The following PTPRD variants were observed in gnomAD, a reference collection of about 807,000 sequenced individuals.
PTPRD encodes the protein receptor-type tyrosine-protein phosphatase delta.
A neutral mutation model predicts 214.5 loss-of-function variants in PTPRD; 34 were observed. The ratio of observed to expected loss-of-function variants is 0.16; its 90% CI spans 0.12 to 0.21. The LOEUF (loss-of-function observed/expected upper bound fraction) is 0.21. Ranked by LOEUF, PTPRD falls within the 10% of genes least tolerant of loss-of-function variation. The pLI, the probability that PTPRD is intolerant of heterozygous loss-of-function variation, is 1.00. For missense variants in PTPRD, 2,545 were observed against 2,398.7 expected, an observed-to-expected ratio of 1.06 and a Z score of -1.27; for synonymous variants, 1,128 against 845.7, an observed-to-expected ratio of 1.33 and a Z score of -5.79.
chr9:8,427,692 TA>T (rs1351279128), intron 35 of PTPRD, among the ~76,000 whole-genome samples: 8 of 151,844 alleles, frequency 5.3e-5, no homozygotes, highest in East Asian at 1.9e-4. Flanking sequence ...TTATTATTAT[TA>T]TTTTTTTTTA....
intron 3 of PTPRD, among the ~76,000 whole-genome samples, chr9:10,037,866 T>C (rs2097216255): frequency 6.6e-6 from 1 of 152,172 alleles, no homozygotes; most frequent in African/African-American, 2.4e-5. Flanking sequence ...AATGAAGCTC[T>C]TATAGGCTTT....
At chr9:8,429,779 T>G (rs575305600) in intron 35 of PTPRD, among the ~76,000 whole-genome samples, 1 of 152,320 alleles carries the variant, frequency 6.6e-6, no homozygotes, top group South Asian at 2.1e-4. Flanking sequence ...GTGTTGGGAC[T>G]GGGCTTTGTG....
rs150521311 is a variant in PTPRD, at chr9:10,469,827, G to C, written c.-599-128810C>G. Among the ~76,000 whole-genome samples the C allele has an allele frequency of 4.0e-3, 610 of 151,982 alleles. 6 individuals are homozygous for C. The highest frequency in any genetic ancestry group is 0.014 in the African/African-American group (580 of 41,466). ...CATAATGGAATATTATTCAGCCATA[G>C]AAACTAAAATCCTGACATTTGTAGC... On this transcript the variant is annotated intron_variant, in intron 2 of 45. Coordinates refer to ENST00000381196, the MANE Select transcript of PTPRD (RefSeq NM_002839.4).
At position 8,449,783 on chromosome 9, in the gene PTPRD, G is replaced by T. The variant is rs373752314; in HGVS notation, c.3930C>A (p.Ile1310=). The change falls in exon 34 of 46, where the codon ATC becomes ATA. Residue 1310 remains isoleucine (I), a synonymous_variant. Coordinates refer to ENST00000381196, the MANE Select transcript of PTPRD (RefSeq NM_002839.4). ...RKSSIPNNKE[I]PSHHPTDPVE... ...CAGGGTCTGTTGGGTGGTGTGAAGG[G>T]ATCTCCTTATTGTTCGGTATGCTGC... 2 of 1,614,064 alleles carry T rather than the reference G, an allele frequency of 1.2e-6. No homozygotes were observed.
At chr9:9,843,110 T>C (rs565773073) in intron 5 of PTPRD, among the ~76,000 whole-genome samples, 1 of 152,210 alleles carries the variant, frequency 6.6e-6, no homozygotes, top group South Asian at 2.1e-4. Context: ...GGCTATAATG[T>C]CAGAGTTAAG....
chr9:10,467,331 T>G (rs141943681), intron 2 of PTPRD, among the ~76,000 whole-genome samples: 1 of 152,354 alleles, frequency 6.6e-6, no homozygotes, highest in Non-Finnish European at 1.5e-5. Context: ...AATATCTGCA[T>G]AATTCCTGGA....
chr9:8,739,881 G>A (rs768349873), intron 11 of PTPRD, among the ~76,000 whole-genome samples: 9 of 152,064 alleles, frequency 5.9e-5, no homozygotes, highest in Non-Finnish European at 1.0e-4. Context: ...GGGAGTTTCC[G>A]GGCACAAGCT....
rs553513455 is a variant in PTPRD at position 9,001,370 on chromosome 9, T to C, written c.-104+17327A>G. Among the ~76,000 whole-genome samples the C allele has an allele frequency of 1.8e-4, 28 of 152,110 alleles. No homozygotes were observed. In the South Asian group the frequency reaches 2.7e-3, roughly 15 times the overall value. ...ATCAGGGAACCAAGACTCTGACAGA[T>C]TGAGTTACCTGTACAAGTTTACATA... On this transcript the variant is annotated intron_variant, in intron 11 of 45. Coordinates refer to ENST00000381196, the MANE Select transcript of PTPRD (RefSeq NM_002839.4).
In PTPRD at chr9:9,371,355, C is replaced by T. The variant is rs190006167; in HGVS notation, c.-203+26094G>A. ...TTTAGCGTTGGGAGGTTGTATGTGT[C>T]GAGGAATTTATCCATTTCTTCTAGA... On this transcript the variant is annotated intron_variant, in intron 9 of 45. Transcript: ENST00000381196. Among the ~76,000 whole-genome samples the T allele has an allele frequency of 2.3e-4, 35 of 152,152 alleles. No individual in the cohort carries two copies. The East Asian group carries it at 2.5e-3, about 11-fold the overall frequency.
At chr9:10,522,648 G>C (rs1046808279) in intron 2 of PTPRD, among the ~76,000 whole-genome samples, 2 of 151,982 alleles carry the variant, frequency 1.3e-5, no homozygotes, top group Non-Finnish European at 2.9e-5. Flanking sequence ...ACTGGGAAGG[G>C]TAGACTCAAC....
intron 9 of PTPRD, among the ~76,000 whole-genome samples, chr9:9,275,619 C>T (rs978248944): frequency 2.8e-4 from 42 of 151,186 alleles, no homozygotes; most frequent in African/African-American, 1.0e-3. Context: ...TGTAGGATGA[C>T]TTTGGTCCCT....
intron 5 of PTPRD, among the ~76,000 whole-genome samples, chr9:9,785,794 A>G (rs2098918766): frequency 6.6e-6 from 1 of 152,140 alleles, no homozygotes; most frequent in Non-Finnish European, 1.5e-5. Flanking sequence ...TACAATGGCT[A>G]TGTCAGTTGT....
At chr9:9,913,176 T>A (rs1344238384) in intron 5 of PTPRD, among the ~76,000 whole-genome samples, 1 of 152,140 alleles carries the variant, frequency 6.6e-6, no homozygotes, top group Non-Finnish European at 1.5e-5. Flanking sequence ...TTCATTTTTA[T>A]GAAAAAAGAA....
chr9:9,159,240 C>G (rs1005471099), intron 10 of PTPRD, among the ~76,000 whole-genome samples: 2 of 151,690 alleles, frequency 1.3e-5, no homozygotes, highest in Admixed American at 1.3e-4. Context: ...AAAGAACTAC[C>G]TAATAGAAAA....
intron 8 of PTPRD, among the ~76,000 whole-genome samples, chr9:9,412,504 T>C (rs927282752): frequency 1.1e-4 from 16 of 152,024 alleles, no homozygotes; most frequent in African/African-American, 3.6e-4. Context: ...TCTGTTCTCT[T>C]CTTTAGTAAT....
chr9:9,983,698 G>T (rs953825289), intron 4 of PTPRD, among the ~76,000 whole-genome samples: 1 of 152,126 alleles, frequency 6.6e-6, no homozygotes, highest in African/African-American at 2.4e-5. Context: ...ATAAATAACT[G>T]CAACATACTT....
At chr9:8,591,808 T>C (rs2154264970) in intron 14 of PTPRD, among the ~76,000 whole-genome samples, 1 of 152,286 alleles carries the variant, frequency 6.6e-6, no homozygotes, top group South Asian at 2.1e-4. Flanking sequence ...AATCAAGCTT[T>C]AAATGTGAAC....
chr9:9,937,022 C>A (rs551315756), intron 5 of PTPRD, among the ~76,000 whole-genome samples: 1 of 151,722 alleles, frequency 6.6e-6, no homozygotes, highest in Admixed American at 6.6e-5. Flanking sequence ...GGGAATTGAA[C>A]AATGAGATCA....
chr9:9,772,084 A>G (rs192920950), intron 5 of PTPRD, among the ~76,000 whole-genome samples: 4 of 152,304 alleles, frequency 2.6e-5, no homozygotes, highest in Admixed American at 6.5e-5. Context: ...ATTTAGAGAT[A>G]GGATATTTTA....
Sources: allele counts gnomAD v4.1 joint callset (sites outside exome capture counted in the v4.1 genomes callset), GRCh38; gene constraint gnomAD v4.1.1; transcripts MANE v1.5; gene names NCBI Gene and HGNC (gene_info 2026-07-23, HGNC 2026-07-21).